GRM7: variants seen among roughly 807,000 people sequenced by gnomAD.
GRM7 encodes metabotropic glutamate receptor 7.
Under a neutral mutation model 84.5 loss-of-function variants are expected in GRM7, and 35 were observed. That is an observed-to-expected ratio of 0.41 (90% CI 0.32 to 0.55). GRM7 has a LOEUF of 0.55. Ranked by LOEUF, GRM7 falls within the 20% of genes least tolerant of loss-of-function variation. The pLI, the probability that GRM7 is intolerant of heterozygous loss-of-function variation, is 0.19. For missense variants in GRM7, 1,003 were observed against 1,194.6 expected, an observed-to-expected ratio of 0.84 and a Z score of 2.36; for synonymous variants, 487 against 455.1, an observed-to-expected ratio of 1.07 and a Z score of -0.89.
intron 4 of GRM7, among the ~76,000 whole-genome samples, chr3:7,312,217 A>G (rs1038704737): frequency 2.0e-5 from 3 of 152,132 alleles, no homozygotes; most frequent in African/African-American, 4.8e-5. Flanking sequence ...CCTGTCCCTT[A>G]CTTTGCCACA....
At chr3:7,665,798 CAA>C (rs1051246625) in intron 8 of GRM7, among the ~76,000 whole-genome samples, 51 of 152,204 alleles carry the variant, frequency 3.4e-4, no homozygotes, top group African/African-American at 1.2e-3. Context: ...AACCTTTCTG[CAA>C]ACTTAGGATT....
intron 7 of GRM7, among the ~76,000 whole-genome samples, chr3:7,517,740 C>A (rs959476071): frequency 1.3e-5 from 2 of 152,128 alleles, no homozygotes; most frequent in African/African-American, 4.8e-5. Flanking sequence ...TAGGTCTTAT[C>A]CGGGCCAGGT....
chr3:7,150,826 G>A (rs1694262555), intron 2 of GRM7, among the ~76,000 whole-genome samples: 1 of 152,166 alleles, frequency 6.6e-6, no homozygotes, highest in Admixed American at 6.5e-5. Flanking sequence ...GATAGCATGT[G>A]GCACTAATAA....
chr3:7,358,679 T>C (rs183140162), intron 4 of GRM7, among the ~76,000 whole-genome samples: 1 of 128,784 alleles, frequency 7.8e-6, no homozygotes, highest in African/African-American at 3.3e-5. Flanking sequence ...TTTAACTTCC[T>C]GTGGAATTAA....
chr3:7,574,237 G>A (rs766045495), intron 7 of GRM7, among the ~76,000 whole-genome samples: 1 of 149,282 alleles, frequency 6.7e-6, no homozygotes, highest in African/African-American at 2.5e-5. Flanking sequence ...ATGGCTCACT[G>A]CAATCTCCGC....
intron 1 of GRM7, among the ~76,000 whole-genome samples, chr3:7,052,388 T>C (rs1697040710): frequency 6.6e-6 from 1 of 151,714 alleles, no homozygotes; most frequent in Admixed American, 6.6e-5. Flanking sequence ...CTTCTGTTTT[T>C]GTTAGTTTAA....
intron 1 of GRM7, among the ~76,000 whole-genome samples, chr3:6,895,865 C>T (rs1696160402): frequency 6.6e-6 from 1 of 151,706 alleles, no homozygotes; most frequent in African/African-American, 2.4e-5. Flanking sequence ...TAAGATTGCC[C>T]ATTGAGTAAA....
chr3:6,936,669 T>A (rs185713310), intron 1 of GRM7, among the ~76,000 whole-genome samples: 1 of 152,216 alleles, frequency 6.6e-6, no homozygotes, highest in African/African-American at 2.4e-5. Context: ...AGTCTTCTAA[T>A]CTTTGTGTGT....
chr3:7,251,948 C>T lies in GRM7; in HGVS notation c.737-46736C>T, dbSNP rs115967417. Among the ~76,000 whole-genome samples, 1,436 of 152,144 alleles carry T rather than the reference C, an allele frequency of 9.4e-3. 15 individuals are homozygous for T. Among genetic ancestry groups the T allele is most frequent in the African/African-American group, 0.025 (1,057 of 41,490 alleles). On this transcript the variant is annotated intron_variant, in intron 2 of 9. Coordinates refer to ENST00000357716, the MANE Select transcript of GRM7 (RefSeq NM_000844.4). The stretch of plus-strand genomic sequence containing the variant: ...AAATGGATAAGTAAACTCCAGTAGC[C>T]GGAAAACAAAGCCTTTTTTCCAATT...
rs61060115 is a variant in GRM7 at position 7,296,821 on chromosome 3, TA to T, written c.737-1850del. Among the ~76,000 whole-genome samples, 614 of 144,014 alleles carry T rather than the reference TA, an allele frequency of 4.3e-3. 1 individual carries two copies. The highest frequency in any genetic ancestry group is 7.2e-3 in the Middle Eastern group (2 of 278). The allele number at this position is 144,014 out of a possible 152,430, so 94.5% of individuals were successfully genotyped here. A position where few individuals can be genotyped will look rare whatever the true frequency, so the allele number is the denominator to read the frequency against. ...TTTATATTTTCAAAAACAGCTTTTT[TA>T]AAAAAAAAAAAAGCTGGGATCTTGC... On this transcript the variant is annotated intron_variant, in intron 2 of 9. Transcript: ENST00000357716.
Position 7,080,030 on chromosome 3 carries a change from A to G in GRM7, c.520-66422A>G, listed in dbSNP as rs1389844623. 2.6e-5 allele frequency among the ~76,000 whole-genome samples: 4 copies of G among 152,136 alleles called. No homozygotes were observed. The East Asian group carries it at 7.7e-4, about 29-fold the overall frequency. ...ACAGTCACCTCAATTCTTTCTGCTC[A>G]GTACAGCCAACCTTTTAAAAAGAAT... On this transcript the variant is annotated intron_variant, in intron 1 of 9. Transcript: ENST00000357716.
At position 7,461,891 on chromosome 3, in the gene GRM7, T is replaced by G. The variant is rs79140138; in HGVS notation, c.1515+169T>G. 4.8e-3 allele frequency among the ~76,000 whole-genome samples: 732 copies of G among 152,280 alleles called. 6 individuals carry two copies. Among genetic ancestry groups the G allele is most frequent in the East Asian group, 0.033 (169 of 5,174 alleles). On this transcript the variant is annotated intron_variant, in intron 7 of 9. Coordinates refer to ENST00000357716, the MANE Select transcript of GRM7 (RefSeq NM_000844.4). ...TGATATCCAATAATAATGATGGTGA[T>G]GACGATGATGGGAAATGTGCATTGA...
rs147877810 is a variant in GRM7, at chr3:7,353,604, A to G, written c.1033+46952A>G. ...GTTGATTTGTAACATAAAACCACCC[A>G]TACTAGGAGGCTCCAGAAAACATAC... On this transcript the variant is annotated intron_variant, in intron 4 of 9. Transcript: ENST00000357716. 3.6e-3 allele frequency among the ~76,000 whole-genome samples: 548 copies of G among 152,214 alleles called. 2 individuals carry two copies. Among genetic ancestry groups the G allele is most frequent in the Non-Finnish European group, 5.8e-3 (396 of 67,978 alleles).
chr3:7,159,155 G>A (rs562899908), intron 2 of GRM7, among the ~76,000 whole-genome samples: 47 of 152,242 alleles, frequency 3.1e-4, no homozygotes, highest in Middle Eastern at 6.8e-3. Context: ...AAAATAGAGA[G>A]ATGAGACATA....
At chr3:7,391,720 A>T (rs1234917860) in intron 4 of GRM7, among the ~76,000 whole-genome samples, 1 of 151,940 alleles carries the variant, frequency 6.6e-6, no homozygotes, top group Admixed American at 6.6e-5. Flanking sequence ...ATAAAAAAAT[A>T]TAAAAAAGAA....
rs979095822 is a variant in GRM7 at position 7,550,561 on chromosome 3, CTCTCTCTCTCTCTCTCTGTG to C, written c.1516-27859_1516-27840del. 3.2e-5 allele frequency among the ~76,000 whole-genome samples: 3 copies of C among 92,602 alleles called. No homozygotes were observed. In the Admixed American group the frequency reaches 3.8e-4, roughly 12 times the overall value. The allele number at this position is 92,602 out of a possible 152,430, so 60.8% of individuals were successfully genotyped here. ...TCTCCCTTTTCTTCTCTCTCTCTCT[CTCTCTCTCTCTCTCTCTGTG>C]TGTGTGTGTGTGTGTGTGTGTGTGT... On this transcript the variant is annotated intron_variant, in intron 7 of 9. Transcript: ENST00000357716.
At chr3:7,519,560 T>G (rs1289781050) in intron 7 of GRM7, among the ~76,000 whole-genome samples, 1 of 152,108 alleles carries the variant, frequency 6.6e-6, no homozygotes, top group Non-Finnish European at 1.5e-5. Context: ...GTTAAAGAGG[T>G]CATAGATAAT....
At chr3:7,284,979 G>T (rs1365653997) in intron 2 of GRM7, among the ~76,000 whole-genome samples, 1 of 152,138 alleles carries the variant, frequency 6.6e-6, no homozygotes, top group South Asian at 2.1e-4. Flanking sequence ...TACTGCAGCA[G>T]TTATTTAGAA....
intron 1 of GRM7, among the ~76,000 whole-genome samples, chr3:7,102,016 C>T (rs1463091479): frequency 6.6e-6 from 1 of 151,366 alleles, no homozygotes; most frequent in Non-Finnish European, 1.5e-5. Context: ...CACTATTTTA[C>T]ATTTATGTAT....
Sources: allele counts gnomAD v4.1 joint callset (sites outside exome capture counted in the v4.1 genomes callset), GRCh38; gene constraint gnomAD v4.1.1; transcripts MANE v1.5; gene names NCBI Gene and HGNC (gene_info 2026-07-23, HGNC 2026-07-21).